The following ESR1 variants were observed in gnomAD, a reference collection of about 807,000 sequenced individuals.
ESR1 encodes estrogen receptor 1, also known as estrogen receptor.
Under a neutral mutation model 52.7 loss-of-function variants are expected in ESR1, and 12 were observed. That is an observed-to-expected ratio of 0.23 (90% CI 0.15 to 0.37). The LOEUF (loss-of-function observed/expected upper bound fraction) is 0.37, where lower values mean the gene tolerates loss of function less well. Ranked by LOEUF, ESR1 falls within the 10% of genes least tolerant of loss-of-function variation. The pLI is 1.00. For synonymous variants in ESR1, 305 were observed against 316.8 expected, an observed-to-expected ratio of 0.96 and a Z score of 0.39; for missense variants, 584 against 779.7, an observed-to-expected ratio of 0.75 and a Z score of 2.99.
intron 4 of ESR1, among the ~76,000 whole-genome samples, chr6:151,981,758 TG>T (rs1467311343): frequency 6.6e-6 from 1 of 152,248 alleles, no homozygotes; most frequent in Non-Finnish European, 1.5e-5. Flanking sequence ...GAAATTCAAA[TG>T]TATGCAATCT....
rs1361956428 is a variant in ESR1 at position 152,098,441 on chromosome 6, A to G, written c.1554-291A>G. Among the ~76,000 whole-genome samples, 1 of 151,974 alleles carries G rather than the reference A, an allele frequency of 6.6e-6. No homozygotes were observed. Among genetic ancestry groups the G allele is most frequent in the Admixed American group, 6.6e-5 (1 of 15,262 alleles). ...CATTTGAGGCCACGGAGGTCCATGG[A>G]AGTCACCTGCATAGCAAATACCCTG... On this transcript the variant is annotated intron_variant, in intron 7 of 7. Coordinates refer to ENST00000206249, the MANE Select transcript of ESR1 (RefSeq NM_000125.4). This position sits in a 1 kb window ranked among gnomAD's most constrained non-coding sequence, Gnocchi z 5.1.
At chr6:151,797,986 A>C (rs1256493494) in intron 2 of ESR1, among the ~76,000 whole-genome samples, 1 of 152,184 alleles carries the variant, frequency 6.6e-6, no homozygotes, top group Non-Finnish European at 1.5e-5. Flanking sequence ...TGCAGACTTA[A>C]ATTAAGACCT....
intron 3 of ESR1, among the ~76,000 whole-genome samples, chr6:151,888,861 G>C (rs1054007162): frequency 7.2e-5 from 11 of 151,988 alleles, no homozygotes; most frequent in African/African-American, 2.7e-4. Context: ...TTAATTTGTT[G>C]AGAGTTTTTG....
intron 2 of ESR1, among the ~76,000 whole-genome samples, chr6:151,730,220 C>T (rs551310068): frequency 6.6e-6 from 1 of 152,242 alleles, no homozygotes; most frequent in South Asian, 2.1e-4. Flanking sequence ...TGGGGCTTCT[C>T]TCCCTGCTGC....
At chr6:152,093,158 T>G (rs1585220153) in intron 6 of ESR1, among the ~76,000 whole-genome samples, 1 of 151,942 alleles carries the variant, frequency 6.6e-6, no homozygotes, top group Non-Finnish European at 1.5e-5. Context: ...GCTCGTGTAT[T>G]CCCAGCTACT....
chr6:151,781,969 A>C (rs1355708450), intron 2 of ESR1, among the ~76,000 whole-genome samples: 1 of 152,146 alleles, frequency 6.6e-6, no homozygotes, highest in African/African-American at 2.4e-5. Context: ...GGAAATAATA[A>C]CTAAAATACT....
chr6:152,071,798 A>G (rs1303943974), intron 6 of ESR1, among the ~76,000 whole-genome samples: 2 of 152,204 alleles, frequency 1.3e-5, no homozygotes, highest in Non-Finnish European at 2.9e-5. Flanking sequence ...CTCTTTCAGG[A>G]TTATAAATAA....
At chr6:151,666,039 A>G (rs1484957866) in intron 1 of ESR1, among the ~76,000 whole-genome samples, 1 of 152,252 alleles carries the variant, frequency 6.6e-6, no homozygotes, top group African/African-American at 2.4e-5. Context: ...TATCATGATC[A>G]GAAGAAATTG....
In ESR1 at chr6:151,890,291, G is replaced by T. The variant is rs192124677; in HGVS notation, c.760+9520G>T. On this transcript the variant is annotated intron_variant, in intron 3 of 7. Transcript: ENST00000206249. ...TAGTAGAGATGGGGTTTCACCATTT[G>T]GGTCAGGCTGCTCTCAAACTCCTGA... 3.4e-4 allele frequency among the ~76,000 whole-genome samples: 52 copies of T among 151,948 alleles called. No individual in the cohort carries two copies. In the East Asian group the frequency reaches 7.6e-3, roughly 22 times the overall value.
At chr6:152,059,524 T>C (rs1324681598) in intron 5 of ESR1, among the ~76,000 whole-genome samples, 2 of 152,078 alleles carry the variant, frequency 1.3e-5, no homozygotes, top group African/African-American at 4.8e-5. Flanking sequence ...TAAAGAACTC[T>C]TAAAAATCTA....
intron 6 of ESR1, among the ~76,000 whole-genome samples, chr6:152,067,377 G>A (rs1296975669): frequency 2.0e-5 from 3 of 152,172 alleles, no homozygotes; most frequent in Non-Finnish European, 4.4e-5. Context: ...GATGTTAGGA[G>A]CCATTTTCCA....
chr6:151,922,607 T>A (rs531192700), intron 3 of ESR1, among the ~76,000 whole-genome samples: 73 of 152,292 alleles, frequency 4.8e-4, no homozygotes, highest in African/African-American at 1.4e-3. Context: ...TAGGGTTTTT[T>A]AAAAGCCTTT....
Position 152,094,545 on chromosome 6 carries a change from C to A in ESR1, c.1530C>A (p.Ile510=). The stretch of plus-strand genomic sequence containing the variant: ...AGCGGCTGGCCCAGCTCCTCCTCAT[C>A]CTCTCCCACATCAGGCACATGAGGT... ...QHQRLAQLLL[I]LSHIRHMSNK... is the part of the protein sequence containing the mutation. Residue 510 remains isoleucine, a synonymous_variant, in exon 7 of 8, where the codon ATC becomes ATA. Coordinates refer to ENST00000206249, the MANE Select transcript of ESR1 (RefSeq NM_000125.4). The surrounding 1 kb of genome is among the most constrained non-coding windows in gnomAD (Gnocchi z 4.6). The A allele has an allele frequency of 6.2e-7, 1 of 1,614,106 alleles. No homozygotes were observed. Among genetic ancestry groups the A allele is most frequent in the Non-Finnish European group, 8.5e-7 (1 of 1,180,032 alleles).
chr6:152,102,705 T>A lies in ESR1; in HGVS notation c.*3739T>A, dbSNP rs1365177794. ...CATTTAAAATTGTTTTCTAAGTAAT[T>A]GCTGCCTCTATTATGGCACTTCAAT... On this transcript the variant is annotated 3_prime_UTR_variant, in exon 8 of 8. Transcript: ENST00000206249. 9.1e-6 allele frequency: 2 copies of A among 219,618 alleles called. No homozygotes were observed. The highest frequency in any genetic ancestry group is 4.5e-5 in the African/African-American group (2 of 44,546). The allele number at this position is 219,618 out of a possible 1,614,324, so 13.6% of individuals were successfully genotyped here. A position where few individuals can be genotyped will look rare whatever the true frequency, so the allele number is the denominator to read the frequency against.
intron 3 of ESR1, among the ~76,000 whole-genome samples, chr6:151,930,143 C>T (rs142528981): frequency 0.016 from 1,560 of 99,608 alleles, 23 homozygotes; most frequent in African/African-American, 0.043. Flanking sequence ...GCCACCATGC[C>T]CGGCTAATTT....
At chr6:151,714,051 A>G (rs1330627017) in intron 2 of ESR1, among the ~76,000 whole-genome samples, 5 of 152,116 alleles carry the variant, frequency 3.3e-5, no homozygotes, top group African/African-American at 4.8e-5. Flanking sequence ...CTTTGTTCTC[A>G]TTGGTTTCAA....
intron 4 of ESR1, among the ~76,000 whole-genome samples, chr6:151,947,707 T>G (rs1360812846): frequency 6.6e-6 from 1 of 152,214 alleles, no homozygotes; most frequent in East Asian, 1.9e-4. Context: ...TGGGATAGAA[T>G]GCATCATACA....
At chr6:151,815,435 A>G (rs11752481) in intron 1 of ESR1, among the ~76,000 whole-genome samples, 3 of 152,308 alleles carry the variant, frequency 2.0e-5, no homozygotes, top group Non-Finnish European at 2.9e-5. Flanking sequence ...AGCAAAGTGC[A>G]TGGCACGTGA....
chr6:151,710,361 C>T (rs76956704), intron 2 of ESR1, among the ~76,000 whole-genome samples: 3,160 of 151,688 alleles, frequency 0.021, 50 homozygotes, highest in Admixed American at 0.036. Context: ...ATGCTCCAAC[C>T]GTATAAATGG....
Sources: gnomAD v4.1 joint callset for allele counts (sites outside exome capture counted in the v4.1 genomes callset) on GRCh38, gnomAD v4.1.1 for gene constraint, Gnocchi (gnomAD v3.1) non-coding constraint, MANE v1.5 for transcripts, NCBI Gene and HGNC (gene_info 2026-07-23, HGNC 2026-07-21) for gene names.